The following RPH3A variants were observed in gnomAD, a reference collection of about 807,000 sequenced individuals.
The protein encoded by RPH3A is rabphilin 3A.
Under a neutral mutation model 102.2 loss-of-function variants are expected in RPH3A, and 48 were observed. That is an observed-to-expected ratio of 0.47 (90% confidence interval 0.37 to 0.60). The LOEUF (loss-of-function observed/expected upper bound fraction) is 0.60. Ranked by LOEUF, RPH3A falls within the 20% of genes least tolerant of loss-of-function variation. RPH3A has a pLI of 0.00. For missense variants in RPH3A, 781 were observed against 910.1 expected (o/e 0.86, Z 1.83); for synonymous variants, 310 against 324.3 (o/e 0.96, Z 0.47).
At position 112,833,755 on chromosome 12, in the gene RPH3A, T is replaced by C. The variant is rs1458861179; in HGVS notation, c.72-2736T>C. 2.6e-5 allele frequency among the ~76,000 whole-genome samples: 4 copies of C among 151,628 alleles called. No homozygotes were observed. The South Asian group carries it at 8.3e-4, about 32-fold the overall frequency. On this transcript the variant is annotated intron_variant, in intron 3 of 21. Transcript: ENST00000389385. ...GTTTTTTTTTTTTTTTTAAAGACAG[T>C]GTCTCACTGTGTCACATAGGCCGGA... is the stretch of plus-strand genomic sequence containing the variant.
chr12:112,738,472 C>T (rs2040684714), intron 1 of RPH3A, among the ~76,000 whole-genome samples: 1 of 152,116 alleles, frequency 6.6e-6, no homozygotes, highest in Non-Finnish European at 1.5e-5. Context: ...TTCTGAAATT[C>T]CTGGTGGACA....
intron 1 of RPH3A, among the ~76,000 whole-genome samples, chr12:112,752,815 C>T (rs779591750): frequency 4.0e-5 from 6 of 151,830 alleles, no homozygotes; most frequent in Non-Finnish European, 7.4e-5. Flanking sequence ...GACTTCCTTG[C>T]GACTTGCTTT....
At chr12:112,856,565 T>C (rs1471528688) in intron 5 of RPH3A, among the ~76,000 whole-genome samples, 1 of 151,970 alleles carries the variant, frequency 6.6e-6, no homozygotes, top group Non-Finnish European at 1.5e-5. Flanking sequence ...TGGATATATA[T>C]GTGTGGATGC....
At chr12:112,768,459 C>T (rs1429513359) in intron 1 of RPH3A, among the ~76,000 whole-genome samples, 2 of 152,250 alleles carry the variant, frequency 1.3e-5, no homozygotes, top group African/African-American at 2.4e-5. Flanking sequence ...CTGCTCCTCA[C>T]ACCTATGCCA....
chr12:112,652,599 G>T (rs1592926786), intron 1 of RPH3A, among the ~76,000 whole-genome samples: 1 of 152,194 alleles, frequency 6.6e-6, no homozygotes, highest in African/African-American at 2.4e-5. Context: ...TGATCTTGGA[G>T]AGTCTCACCA....
intron 1 of RPH3A, among the ~76,000 whole-genome samples, chr12:112,692,264 A>G (rs1044808303): frequency 5.9e-5 from 9 of 152,236 alleles, no homozygotes; most frequent in Admixed American, 5.2e-4. Context: ...CTATAACACT[A>G]CAAGGATGAC....
intron 1 of RPH3A, among the ~76,000 whole-genome samples, chr12:112,661,136 A>G (rs1242973827): frequency 1.3e-5 from 2 of 152,150 alleles, no homozygotes; most frequent in African/African-American, 4.8e-5. Flanking sequence ...TCATCTAGAT[A>G]CACTCTCGGG....
chr12:112,675,013 C>T (rs1175590906), intron 1 of RPH3A, among the ~76,000 whole-genome samples: 1 of 152,174 alleles, frequency 6.6e-6, no homozygotes, highest in Non-Finnish European at 1.5e-5. Flanking sequence ...ACCTGTAAAA[C>T]AGTAGCAATC....
intron 4 of RPH3A, among the ~76,000 whole-genome samples, chr12:112,843,260 A>G (rs2042175790): frequency 6.6e-6 from 1 of 152,216 alleles, no homozygotes; most frequent in Non-Finnish European, 1.5e-5. Flanking sequence ...TTTGGTCTGA[A>G]AAACTGATCT....
At chr12:112,630,726 A>G (rs746401268) in intron 1 of RPH3A, among the ~76,000 whole-genome samples, 1 of 152,136 alleles carries the variant, frequency 6.6e-6, no homozygotes, top group African/African-American at 2.4e-5. Flanking sequence ...ATTCAGGTCA[A>G]TCTAGCACTC....
Position 112,785,970 on chromosome 12 carries a change from C to T in RPH3A, c.-139-6173C>T, listed in dbSNP as rs114585184. ...TTCATCATTTAGAGTATACGAAACTCATTGCTATTCATTAGCTCAGTGAAA... is the reference window on the plus strand; with the variant it reads ...TTCATCATTTAGAGTATACGAAACTTATTGCTATTCATTAGCTCAGTGAAA... On this transcript the variant is annotated intron_variant, in intron 1 of 21. Transcript: ENST00000543106. 5.9e-3 allele frequency among the ~76,000 whole-genome samples: 893 copies of T among 151,870 alleles called. 7 individuals carry two copies. The highest frequency in any genetic ancestry group is 0.021 in the African/African-American group (875 of 41,536).
At chr12:112,609,755 A>G (rs1393747103) in intron 1 of RPH3A, among the ~76,000 whole-genome samples, 2 of 152,150 alleles carry the variant, frequency 1.3e-5, no homozygotes, top group Non-Finnish European at 2.9e-5. Flanking sequence ...TGTCATCTTG[A>G]TGCCTATTGT....
chr12:112,872,014 A>C (rs777631249), intron 10 of RPH3A, among the ~76,000 whole-genome samples: 1 of 152,048 alleles, frequency 6.6e-6, no homozygotes, highest in African/African-American at 2.4e-5. Context: ...TGTGCGCCTG[A>C]CATACAAATA....
chr12:112,807,524 C>T (rs924545619), intron 2 of RPH3A, among the ~76,000 whole-genome samples: 3 of 152,148 alleles, frequency 2.0e-5, no homozygotes, highest in South Asian at 2.1e-4. Context: ...TGGTCTTGAA[C>T]GAGTTACCAA....
chr12:112,752,118 A>G (rs1178368483), intron 1 of RPH3A, among the ~76,000 whole-genome samples: 1 of 152,220 alleles, frequency 6.6e-6, no homozygotes, highest in Non-Finnish European at 1.5e-5. Context: ...TAATTATACA[A>G]TAAGCACATA....
intron 1 of RPH3A, among the ~76,000 whole-genome samples, chr12:112,616,725 T>C (rs2039682845): frequency 6.6e-6 from 1 of 152,226 alleles, no homozygotes; most frequent in Non-Finnish European, 1.5e-5. Flanking sequence ...TCAAGGAACA[T>C]TCTCCTTTCC....
At chr12:112,582,188 C>CT (rs1215115576) in intron 1 of RPH3A, among the ~76,000 whole-genome samples, 1 of 147,210 alleles carries the variant, frequency 6.8e-6, no homozygotes, top group Non-Finnish European at 1.5e-5. Context: ...GTTTTGTATC[C>CT]TTTTTTTATT....
At chr12:112,681,239 T>G (rs910988594) in intron 1 of RPH3A, among the ~76,000 whole-genome samples, 1 of 152,196 alleles carries the variant, frequency 6.6e-6, no homozygotes, top group African/African-American at 2.4e-5. Flanking sequence ...CTTCCAATCA[T>G]CCGCCTTCTG....
chr12:112,825,531 C>A lies in RPH3A; in HGVS notation c.-18-2770C>A, dbSNP rs895345519. 2.1e-4 allele frequency among the ~76,000 whole-genome samples: 32 copies of A among 152,066 alleles called. No individual in the cohort carries two copies. In the South Asian group the frequency reaches 2.7e-3, roughly 13 times the overall value. ...TTACTGCAATCTCCACGTGGTCTCT[C>A]CCCCCCTTACTCTTGGTGGGACCTT... On this transcript the variant is annotated intron_variant, in intron 2 of 21. Transcript: ENST00000389385.
Sources: gnomAD v4.1 joint callset for allele counts (sites outside exome capture counted in the v4.1 genomes callset) on GRCh38, gnomAD v4.1.1 for gene constraint, MANE v1.5 for transcripts, NCBI Gene and HGNC (gene_info 2026-07-23, HGNC 2026-07-21) for gene names.